EYS: variants seen among roughly 807,000 people sequenced by gnomAD.
EYS encodes protein eyes shut homolog.
EYS carries 250 observed loss-of-function variants against 282.1 expected under a neutral mutation model. That is an observed-to-expected ratio of 0.89 (90% CI 0.80 to 0.98). The LOEUF (loss-of-function observed/expected upper bound fraction) is 0.98, where lower values mean the gene tolerates loss of function less well. Among genes scored for constraint, EYS ranks in the 50% least tolerant of loss-of-function variants. The pLI is 0.00. For synonymous variants in EYS, 1,355 were observed against 1,282.9 expected (o/e 1.06, Z -1.20); for missense variants, 4,016 against 3,709.0 (o/e 1.08, Z -2.15).
At chr6:65,510,164 C>T in intron 2 of EYS, among the ~76,000 whole-genome samples, 1 of 109,328 alleles carries the variant, frequency 9.1e-6, no homozygotes, top group East Asian at 3.4e-4. Context: ...AATGCTATCC[C>T]TCCCCCCTCC....
chr6:64,396,772 A>T (rs1291893015), intron 28 of EYS, among the ~76,000 whole-genome samples: 2 of 152,026 alleles, frequency 1.3e-5, no homozygotes, highest in Non-Finnish European at 2.9e-5. Flanking sequence ...TCTACTGGTC[A>T]ATTTTTCTAT....
At chr6:64,830,169 G>A (rs950831021) in intron 19 of EYS, among the ~76,000 whole-genome samples, 1 of 151,992 alleles carries the variant, frequency 6.6e-6, no homozygotes, top group Non-Finnish European at 1.5e-5. Flanking sequence ...GACATGGCTA[G>A]AAGGCACAAT....
chr6:64,979,322 A>G (rs924535734), intron 14 of EYS, among the ~76,000 whole-genome samples: 4 of 151,828 alleles, frequency 2.6e-5, no homozygotes, highest in African/African-American at 9.7e-5. Flanking sequence ...CTACACAGAA[A>G]TGAAACTATG....
intron 26 of EYS, among the ~76,000 whole-genome samples, chr6:64,476,954 T>C (rs745919281): frequency 6.6e-6 from 1 of 152,152 alleles, no homozygotes; most frequent in Admixed American, 6.5e-5. Context: ...TATTTTACTA[T>C]TATAAAATAC....
intron 35 of EYS, among the ~76,000 whole-genome samples, chr6:63,911,650 C>A (rs1372283537): frequency 6.6e-6 from 1 of 152,176 alleles, no homozygotes; most frequent in Non-Finnish European, 1.5e-5. Context: ...ATATTATGGT[C>A]TCCTTTTTTC....
At chr6:64,547,055 C>T (rs958445228) in intron 26 of EYS, among the ~76,000 whole-genome samples, 12 of 152,066 alleles carry the variant, frequency 7.9e-5, no homozygotes, top group East Asian at 7.7e-4. Flanking sequence ...CGGACGTATT[C>T]GGAATTTCTT....
intron 31 of EYS, among the ~76,000 whole-genome samples, chr6:64,229,442 C>T (rs1029612701): frequency 6.6e-6 from 1 of 152,050 alleles, no homozygotes; most frequent in African/African-American, 2.4e-5. Context: ...ATATAAATGG[C>T]CTTAAATTAT....
At chr6:65,395,485 C>T (rs1025005488) in intron 7 of EYS, among the ~76,000 whole-genome samples, 3 of 152,026 alleles carry the variant, frequency 2.0e-5, no homozygotes, top group African/African-American at 7.2e-5. Flanking sequence ...AATGATTATC[C>T]TTAGTTAACA....
At chr6:64,861,514 C>T (rs550353987) in intron 19 of EYS, among the ~76,000 whole-genome samples, 40 of 152,200 alleles carry the variant, frequency 2.6e-4, no homozygotes, top group African/African-American at 8.4e-4. Flanking sequence ...CCTGACTGCT[C>T]CCAGCCCCCA....
At chr6:65,288,628 C>T (rs1265609770) in intron 12 of EYS, among the ~76,000 whole-genome samples, 4 of 150,778 alleles carry the variant, frequency 2.7e-5, no homozygotes, top group Admixed American at 1.3e-4. Flanking sequence ...AAAAAGTTAC[C>T]ATACATATGG....
chr6:64,314,690 A>C lies in EYS; in HGVS notation c.6079-7608T>G, dbSNP rs572152305. 4.6e-5 allele frequency among the ~76,000 whole-genome samples: 7 copies of C among 152,328 alleles called. No individual in the cohort carries two copies. The South Asian group carries it at 1.2e-3, about 27-fold the overall frequency. On this transcript the variant is annotated intron_variant, in intron 29 of 42. Transcript: ENST00000503581. ...TTGCTCCTGAGTGACTGGGTAAATA[A>C]CAAAATTAAGGCACAAATAAAGATG...
chr6:64,777,983 A>G (rs751739683), intron 22 of EYS, among the ~76,000 whole-genome samples: 9 of 152,170 alleles, frequency 5.9e-5, no homozygotes, highest in Admixed American at 4.6e-4. Context: ...CAATTAAACA[A>G]CAAAGATATG....
intron 19 of EYS, among the ~76,000 whole-genome samples, chr6:64,871,726 A>G (rs574711770): frequency 3.9e-5 from 6 of 152,142 alleles, no homozygotes; most frequent in African/African-American, 1.4e-4. Flanking sequence ...CTCTGTACAA[A>G]TTTTGCAGAT....
At chr6:64,483,226 A>G (rs1459581410) in intron 26 of EYS, among the ~76,000 whole-genome samples, 1 of 151,752 alleles carries the variant, frequency 6.6e-6, no homozygotes, top group Non-Finnish European at 1.5e-5. Flanking sequence ...CCATGTTCCA[A>G]TAAAATTTTA....
chr6:65,027,171 T>C (rs1226356128), intron 13 of EYS, among the ~76,000 whole-genome samples: 1 of 152,180 alleles, frequency 6.6e-6, no homozygotes, highest in Non-Finnish European at 1.5e-5. Context: ...TATGATGTTT[T>C]TGTACAGTTA....
intron 22 of EYS, among the ~76,000 whole-genome samples, chr6:64,698,221 T>G (rs1395868732): frequency 6.6e-6 from 1 of 152,052 alleles, no homozygotes; most frequent in Non-Finnish European, 1.5e-5. Context: ...ATTAAATACC[T>G]ACATGAAAGA....
At chr6:65,298,362 T>G (rs2150287939) in intron 11 of EYS, among the ~76,000 whole-genome samples, 1 of 152,186 alleles carries the variant, frequency 6.6e-6, no homozygotes, top group South Asian at 2.1e-4. Context: ...TAGTGACACC[T>G]TTTATTAAGA....
At chr6:65,215,764 T>A (rs1766296367) in intron 12 of EYS, among the ~76,000 whole-genome samples, 1 of 152,156 alleles carries the variant, frequency 6.6e-6, no homozygotes. Context: ...TCTTTAGCAT[T>A]CAGCAACCAC....
chr6:64,921,441 T>C (rs1768344313), intron 15 of EYS, among the ~76,000 whole-genome samples: 1 of 151,910 alleles, frequency 6.6e-6, no homozygotes, highest in Non-Finnish European at 1.5e-5. Flanking sequence ...AAGAGAGAAA[T>C]GGAAAGAAGG....
Sources: allele counts gnomAD v4.1 joint callset (sites outside exome capture counted in the v4.1 genomes callset), GRCh38; gene constraint gnomAD v4.1.1; transcripts MANE v1.5; gene names NCBI Gene and HGNC (gene_info 2026-07-23, HGNC 2026-07-21).